The following AK9 variants were observed in gnomAD, a reference collection of about 807,000 sequenced individuals.
The protein encoded by AK9 is adenylate kinase 9, also known as adenylate kinase domain containing 1.
Under a neutral mutation model 239.6 loss-of-function variants are expected in AK9, and 191 were observed. The ratio of observed to expected loss-of-function variants is 0.80; its 90% CI spans 0.71 to 0.90. The LOEUF is 0.90. AK9 is among the 40% of genes least tolerant of loss of function. AK9 has a pLI of 0.00. For missense variants in AK9, 1,995 were observed against 2,214.7 expected (o/e 0.90, Z 1.99); for synonymous variants, 689 against 721.0 (o/e 0.96, Z 0.71).
intron 2 of AK9, among the ~76,000 whole-genome samples, chr6:109,674,557 T>C (rs1368250513): frequency 1.3e-5 from 2 of 152,228 alleles, no homozygotes; most frequent in East Asian, 1.9e-4. Flanking sequence ...TCAATTTTTA[T>C]AATTTTGATT....
intron 27 of AK9, among the ~76,000 whole-genome samples, chr6:109,534,057 T>C (rs1434618426): frequency 2.0e-5 from 3 of 152,066 alleles, no homozygotes; most frequent in Non-Finnish European, 1.5e-5. Context: ...CTGGGTCTCC[T>C]TGTAACTGAT....
chr6:109,584,837 A>G (rs1256802187), intron 19 of AK9, among the ~76,000 whole-genome samples: 1 of 152,098 alleles, frequency 6.6e-6, no homozygotes, highest in African/African-American at 2.4e-5. Flanking sequence ...AAATATAACA[A>G]TATATATATC....
chr6:109,496,656 T>C (rs1275053808), intron 38 of AK9, among the ~76,000 whole-genome samples: 1 of 152,120 alleles, frequency 6.6e-6, no homozygotes, highest in African/African-American at 2.4e-5. Context: ...CAGTTTCTCT[T>C]GTAAGCTCTT....
intron 12 of AK9, among the ~76,000 whole-genome samples, chr6:109,625,910 T>G (rs1795478355): frequency 9.5e-6 from 1 of 105,418 alleles, no homozygotes; most frequent in Non-Finnish European, 2.1e-5. Context: ...GACAATATCT[T>G]CAAGTATTTT....
intron 10 of AK9, among the ~76,000 whole-genome samples, chr6:109,637,848 A>G (rs549249741): frequency 9.8e-5 from 15 of 152,350 alleles, no homozygotes; most frequent in Non-Finnish European, 1.6e-4. Flanking sequence ...CCAAGAGTTA[A>G]AGCAGTGGTT....
intron 25 of AK9, chr6:109,549,657 ATATTTTCTTTTTTTT>A (rs1784060123): frequency 8.2e-6 from 1 of 122,352 alleles, no homozygotes; most frequent in South Asian, 3.5e-4. Context: ...TTGAACTTAG[ATATTTTCTTTTTTTT>A]TTTTTTTTTT....
chr6:109,644,903 T>C (rs1295722108), intron 8 of AK9, among the ~76,000 whole-genome samples: 1 of 152,240 alleles, frequency 6.6e-6, no homozygotes. Context: ...TAAAAAAATC[T>C]TTTTTCTCTA....
intron 5 of AK9, among the ~76,000 whole-genome samples, chr6:109,668,830 G>A (rs192606249): frequency 0.045 from 4,118 of 91,652 alleles, 1,445 homozygotes; most frequent in South Asian, 0.07. Context: ...GTCAGGTAGC[G>A]TGACGCCTCC....
intron 12 of AK9, among the ~76,000 whole-genome samples, chr6:109,620,304 C>T (rs574869188): frequency 6.6e-6 from 1 of 152,214 alleles, no homozygotes; most frequent in African/African-American, 2.4e-5. Flanking sequence ...TCCTCGCATC[C>T]TCACCAACAC....
chr6:109,646,360 G>A (rs573068108), intron 8 of AK9, among the ~76,000 whole-genome samples: 10 of 152,204 alleles, frequency 6.6e-5, no homozygotes, highest in African/African-American at 1.9e-4. Flanking sequence ...AAGGTTAGAC[G>A]AATGGCTAAC....
chr6:109,547,436 C>T (rs137974866), intron 25 of AK9, among the ~76,000 whole-genome samples: 5 of 152,200 alleles, frequency 3.3e-5, no homozygotes, highest in African/African-American at 7.2e-5. Context: ...GCACCAAATA[C>T]GTGGAAGAAA....
chr6:109,599,568 G>C (rs1791607123), intron 17 of AK9, among the ~76,000 whole-genome samples: 1 of 142,700 alleles, frequency 7.0e-6, no homozygotes, highest in South Asian at 2.7e-4. Context: ...GCTCTTTTTT[G>C]GTTCCATATG....
At chr6:109,529,123 G>A in intron 28 of AK9, 50 bp from the exon 29 acceptor site, 1 of 1,505,976 alleles carries the variant, frequency 6.6e-7, no homozygotes, top group East Asian at 2.3e-5. Context: ...TGATAAAAGT[G>A]GCTTTCTCTG....
chr6:109,493,480 C>T lies in AK9; in HGVS notation c.5625G>A (p.Leu1875=). The change falls in exon 41 of 41, where the codon TTG becomes TTA. Residue 1875 remains leucine (L), a synonymous_variant. Coordinates refer to ENST00000424296, the MANE Select transcript of AK9 (RefSeq NM_001145128.3). The part of the protein sequence containing the change: ...FMESCELITY[L]GAKMTRKYKE... ...TGTATTTTCTGGTCATCTTGGCACCCAAGTATGTTATGAGTTCACAACTCT... is the reference window on the plus strand; with the variant it reads ...TGTATTTTCTGGTCATCTTGGCACCTAAGTATGTTATGAGTTCACAACTCT... 6.2e-7 allele frequency: 1 copy of T among 1,614,082 alleles called. No individual in the cohort carries two copies. Among genetic ancestry groups the T allele is most frequent in the Non-Finnish European group, 8.5e-7 (1 of 1,179,988 alleles).
At chr6:109,619,356 C>A in intron 12 of AK9, 120 bp from the exon 13 acceptor site, 1 of 1,095,248 alleles carries the variant, frequency 9.1e-7, no homozygotes, top group South Asian at 2.3e-5. Flanking sequence ...AATATTAATA[C>A]TGCTTGAGGT....
intron 39 of AK9, among the ~76,000 whole-genome samples, chr6:109,495,010 A>G (rs111937097): frequency 2.2e-4 from 34 of 152,362 alleles, no homozygotes; most frequent in African/African-American, 7.9e-4. Flanking sequence ...CTGAATCTGC[A>G]CATTTCAAAT....
Position 109,675,685 on chromosome 6 carries a change from TTTCATC to T in AK9, c.55_60del (p.Asp19_Glu20del). On this transcript the variant is annotated inframe_deletion, in exon 2 of 41. Coordinates refer to ENST00000424296, the MANE Select transcript of AK9 (RefSeq NM_001145128.3). ...TTGGACAACAAAAAATTCCTTTCAGTTTCATCTTCATCAAATATATCTGCAAAAGGA... is the reference window on the plus strand; with the variant it reads ...TTGGACAACAAAAAATTCCTTTCAGTTTCATCAAATATATCTGCAAAAGGA... The T allele has an allele frequency of 6.3e-7, 1 of 1,598,768 alleles. No homozygotes were observed. The highest frequency in any genetic ancestry group is 1.1e-5 in the South Asian group (1 of 87,972).
rs1440082789 is a variant in AK9 at position 109,633,316 on chromosome 6, A to G, written c.941T>C (p.Leu314Pro). 1.9e-6 allele frequency: 3 copies of G among 1,593,930 alleles called. No homozygotes were observed. In the African/African-American group the frequency reaches 4.0e-5, roughly 21 times the overall value. The change falls in exon 11 of 41, where the codon CTA (leucine) becomes CCA (proline). Residue 314 changes from leucine (L) to proline (P), a missense_variant. By Grantham distance (98) the Leu-to-Pro change is moderately conservative. Around this residue, in one of 5 missense-constraint regions of AK9, gnomAD observed 1,290 missense variants for 1,392.7 expected, o/e 0.93. Coordinates refer to ENST00000424296, the MANE Select transcript of AK9 (RefSeq NM_001145128.3). The stretch of plus-strand genomic sequence containing the variant: ...TTTATAAGATGCAAGAGTACGAAAT[A>G]GCTCATCCTGTGAATTGCAAATACT... ...EINDTMENDE[L>P]FRTLASYKLI...
Position 109,506,684 on chromosome 6 carries a change from C to G in AK9, c.4598G>C (p.Arg1533Thr). Residue 1533 changes from arginine (R) to threonine (T), a missense_variant, in exon 34 of 41, where the codon AGA (arginine) becomes ACA (threonine). By Grantham distance (71) the Arg-to-Thr change is moderately conservative. This residue lies in a region of AK9 where 391 missense variants were observed against 456.0 expected (regional missense o/e 0.86). Coordinates refer to ENST00000424296, the MANE Select transcript of AK9 (RefSeq NM_001145128.3). ...LSVPSKEIFK[R>T]LLLEKENEQR... ...TTCATTTTCTTTTTCTAGGAGCAATCTTTTGAAAATCTCCTTGGAAGGCAC... is the reference window on the plus strand; with the variant it reads ...TTCATTTTCTTTTTCTAGGAGCAATGTTTTGAAAATCTCCTTGGAAGGCAC... The G allele has an allele frequency of 6.5e-7, 1 of 1,534,336 alleles. No homozygotes were observed. Among genetic ancestry groups the G allele is most frequent in the South Asian group, 1.2e-5 (1 of 81,820 alleles).
Sources: allele counts gnomAD v4.1 joint callset (sites outside exome capture counted in the v4.1 genomes callset), GRCh38; gene constraint gnomAD v4.1.1; regional missense constraint gnomAD v4.1.1; transcripts MANE v1.5; gene names NCBI Gene and HGNC (gene_info 2026-07-23, HGNC 2026-07-21).